Variants in GCNT1 observed in about 807,000 individuals in gnomAD.
GCNT1 encodes the protein glucosaminyl (N-acetyl) transferase 1, also known as beta-1,3-galactosyl-O-glycosyl-glycoprotein beta-1,6-N-acetylglucosaminyltransferase.
GCNT1 carries 16 observed loss-of-function variants against 26.2 expected under a neutral mutation model. That is an observed-to-expected ratio of 0.61 (90% confidence interval 0.41 to 0.93). The LOEUF (loss-of-function observed/expected upper bound fraction) is 0.93, where lower values mean the gene tolerates loss of function less well. Ranked by LOEUF, GCNT1 falls within the 40% of genes least tolerant of loss-of-function variation. GCNT1 has a pLI of 0.00. For missense variants in GCNT1, 477 were observed against 526.7 expected (o/e 0.91, Z 0.92); for synonymous variants, 183 against 190.8 (o/e 0.96, Z 0.34).
intron 1 of GCNT1, among the ~76,000 whole-genome samples, chr9:76,424,653 G>C (rs778708493): frequency 6.6e-6 from 1 of 152,232 alleles, no homozygotes; most frequent in Non-Finnish European, 1.5e-5. Flanking sequence ...AGCACGCTGA[G>C]TAATATAAAA....
At chr9:76,394,251 C>T in the GCNT1 span, 3 of 1,420,828 alleles carry the variant, frequency 2.1e-6, no homozygotes, top group African/African-American at 1.5e-5. Flanking sequence ...GCCCAGACCC[C>T]GGACCAGCCG....
chr9:76,438,634 T>G (rs771401713), upstream of GCNT1, among the ~76,000 whole-genome samples: 2 of 151,968 alleles, frequency 1.3e-5, no homozygotes, highest in Non-Finnish European at 2.9e-5. Flanking sequence ...GAATTTAATT[T>G]TTTGTTTACA....
chr9:76,478,769 T>A (rs1193610394), intron 2 of GCNT1, among the ~76,000 whole-genome samples: 1 of 152,228 alleles, frequency 6.6e-6, no homozygotes, highest in Non-Finnish European at 1.5e-5. Context: ...TCAGATACAA[T>A]GCAATCATGG....
At position 76,506,813 on chromosome 9, in the gene GCNT1, G is replaced by A. The variant is rs181034927; in HGVS notation, c.*3145G>A. The A allele has an allele frequency of 6.6e-5, 11 of 166,988 alleles. No individual in the cohort carries two copies. In the East Asian group the frequency reaches 2.1e-3, roughly 32 times the overall value. The allele number at this position is 166,988 out of a possible 1,614,324, so 10.3% of individuals were successfully genotyped here. Reference sequence around the variant, plus strand: ...AAATAACATAAGTAGATTTTCTCTTGTAGTGATTTGGGTAGGAAGAGGCCA... The same window carrying A: ...AAATAACATAAGTAGATTTTCTCTTATAGTGATTTGGGTAGGAAGAGGCCA... On this transcript the variant is annotated 3_prime_UTR_variant, in exon 4 of 4. Transcript: ENST00000376730.
the GCNT1 span, among the ~76,000 whole-genome samples, chr9:76,409,210 T>C: frequency 6.6e-6 from 1 of 152,194 alleles, no homozygotes; most frequent in Non-Finnish European, 1.5e-5. Context: ...CTATTTTACT[T>C]AAATTATAAG....
At chr9:76,433,635 A>G (rs114642249) in intron 1 of GCNT1, among the ~76,000 whole-genome samples, 3,916 of 152,250 alleles carry the variant, frequency 0.026, 159 homozygotes, top group African/African-American at 0.088. Context: ...CACAGGATCC[A>G]TGCTGGAGTG....
chr9:76,396,328 G>A, the GCNT1 span, among the ~76,000 whole-genome samples: 1 of 152,210 alleles, frequency 6.6e-6, no homozygotes, highest in East Asian at 1.9e-4. Flanking sequence ...GGTGGCTTAC[G>A]CCTGTAATCC....
chr9:76,448,582 A>G (rs938056505), intron 1 of GCNT1, among the ~76,000 whole-genome samples: 8 of 152,192 alleles, frequency 5.3e-5, no homozygotes, highest in Admixed American at 4.6e-4. Context: ...CAAGATAAAG[A>G]ACATTTCTAT....
At chr9:76,454,930 C>T (rs926688253), upstream of GCNT1, among the ~76,000 whole-genome samples, 11 of 144,598 alleles carry the variant, frequency 7.6e-5, no homozygotes, top group Non-Finnish European at 1.2e-4. Flanking sequence ...TCACTGCAAC[C>T]TCCGCCTCCC....
upstream of GCNT1, among the ~76,000 whole-genome samples, chr9:76,414,860 G>T (rs1163204716): frequency 2.0e-5 from 3 of 152,114 alleles, no homozygotes; most frequent in African/African-American, 7.2e-5. Context: ...TACAACCTCT[G>T]ACGTGTGATA....
intron 2 of GCNT1, among the ~76,000 whole-genome samples, chr9:76,498,704 C>T (rs1029260577): frequency 6.7e-6 from 1 of 148,418 alleles, no homozygotes; most frequent in East Asian, 2.0e-4. Flanking sequence ...ACCCGGGAGC[C>T]AGAGGTTGCA....
At chr9:76,478,421 C>T (rs1203885641) in intron 2 of GCNT1, among the ~76,000 whole-genome samples, 4 of 152,074 alleles carry the variant, frequency 2.6e-5, no homozygotes, top group Non-Finnish European at 5.9e-5. Flanking sequence ...CACGAACCCA[C>T]GGGAAGGAAG....
chr9:76,394,607 G>GCAGGCTCCCGCCC, the GCNT1 span: 3 of 157,378 alleles, frequency 1.9e-5, no homozygotes, highest in African/African-American at 7.2e-5. Context: ...AGCTCCCGCT[G>GCAGGCTCCCGCCC]CAGGCTCCCG....
chr9:76,477,533 A>G (rs1824282214), intron 2 of GCNT1, among the ~76,000 whole-genome samples: 1 of 151,992 alleles, frequency 6.6e-6, no homozygotes, highest in Non-Finnish European at 1.5e-5. Flanking sequence ...CTCCAAAAAA[A>G]AAAAGCCTCT....
intron 1 of GCNT1, among the ~76,000 whole-genome samples, chr9:76,448,922 A>C (rs1425131342): frequency 6.6e-6 from 1 of 152,226 alleles, no homozygotes; most frequent in Non-Finnish European, 1.5e-5. Context: ...TGCTCACTGT[A>C]CATGTCATTT....
intron 1 of GCNT1, among the ~76,000 whole-genome samples, chr9:76,453,827 G>T (rs1823709788): frequency 6.6e-6 from 1 of 152,200 alleles, no homozygotes; most frequent in African/African-American, 2.4e-5. Flanking sequence ...CTTTACCTGG[G>T]TGGGGCTGGT....
intron 2 of GCNT1, among the ~76,000 whole-genome samples, chr9:76,483,835 G>A (rs1001819879): frequency 6.6e-6 from 1 of 151,934 alleles, no homozygotes; most frequent in Non-Finnish European, 1.5e-5. Context: ...TTTGTCGTGT[G>A]TGTGTATTTT....
intron 2 of GCNT1, among the ~76,000 whole-genome samples, chr9:76,467,334 A>ATGTG (rs1241168847): frequency 8.6e-5 from 13 of 151,990 alleles, no homozygotes; most frequent in Admixed American, 8.5e-4. Context: ...GAGCCACCTC[A>ATGTG]CCCAGCCTCA....
intron 1 of GCNT1, among the ~76,000 whole-genome samples, chr9:76,431,911 C>A (rs766699760): frequency 1.3e-5 from 2 of 152,276 alleles, no homozygotes; most frequent in East Asian, 3.9e-4. Context: ...GAGTTTGAGA[C>A]CAGCCTGGCC....
Sources: gnomAD v4.1 joint callset for allele counts (sites outside exome capture counted in the v4.1 genomes callset) on GRCh38, gnomAD v4.1.1 for gene constraint, MANE v1.5 for transcripts, NCBI Gene and HGNC (gene_info 2026-07-23, HGNC 2026-07-21) for gene names.